The following GALNT18 variants were observed in gnomAD, a reference collection of about 807,000 sequenced individuals.
The protein encoded by GALNT18 is polypeptide N-acetylgalactosaminyltransferase 18.
A neutral mutation model predicts 69.5 loss-of-function variants in GALNT18; 44 were observed. That is an observed-to-expected ratio of 0.63 (90% CI 0.50 to 0.81). The LOEUF is 0.81. Among genes scored for constraint, GALNT18 ranks in the 40% least tolerant of loss-of-function variants. The probability of loss-of-function intolerance (pLI) is 0.00; values close to 1 mark genes in which losing one functional copy is unlikely to be tolerated. For missense variants in GALNT18, 715 were observed against 810.0 expected, an observed-to-expected ratio of 0.88 and a Z score of 1.42; for synonymous variants, 364 against 318.2, an observed-to-expected ratio of 1.14 and a Z score of -1.53.
Position 11,590,491 on chromosome 11 carries a change from G to A in GALNT18, c.235+30868C>T, listed in dbSNP as rs1270010172. ...ACTTTCCTTACTCTACCTATATTAG[G>A]CACCAACCAATCAGAAGGACACTGG... On this transcript the variant is annotated intron_variant, in intron 1 of 10. Transcript: ENST00000227756. This position sits in a 1 kb window ranked among gnomAD's most constrained non-coding sequence, Gnocchi z 4.4. 6.6e-6 allele frequency among the ~76,000 whole-genome samples: 1 copy of A among 152,102 alleles called. No individual in the cohort carries two copies. Among genetic ancestry groups the A allele is most frequent in the Non-Finnish European group, 1.5e-5 (1 of 68,028 alleles).
intron 9 of GALNT18, among the ~76,000 whole-genome samples, chr11:11,295,790 A>G (rs1590017728): frequency 6.6e-6 from 1 of 152,202 alleles, no homozygotes; most frequent in East Asian, 1.9e-4. Context: ...TTTTTCTATA[A>G]CAAAGGTGAA....
At chr11:11,532,675 G>A (rs932899320) in intron 1 of GALNT18, among the ~76,000 whole-genome samples, 6 of 152,234 alleles carry the variant, frequency 3.9e-5, no homozygotes, top group African/African-American at 1.4e-4. Flanking sequence ...TATGGCTGCA[G>A]TCCTGGAAAA....
In GALNT18 at chr11:11,432,847, AC is replaced by A. The variant is rs1855307036; in HGVS notation, c.429-61del. 1 of 1,551,576 alleles carries A rather than the reference AC, an allele frequency of 6.4e-7. No homozygotes were observed. Among genetic ancestry groups the A allele is most frequent in the African/African-American group, 1.4e-5 (1 of 73,612 alleles). On this transcript the variant is annotated intron_variant, in intron 2 of 10. Coordinates refer to ENST00000227756, the MANE Select transcript of GALNT18 (RefSeq NM_198516.3). This position sits in a 1 kb window ranked among gnomAD's most constrained non-coding sequence, Gnocchi z 5.8. ...TCAGCTGGAGTCATCTCAGGAGCTG[AC>A]CCAGCCCATGTCCTGGCTCCAGCTT...
chr11:11,306,109 G>A (rs1463305237), intron 9 of GALNT18, among the ~76,000 whole-genome samples: 1 of 152,190 alleles, frequency 6.6e-6, no homozygotes, highest in African/African-American at 2.4e-5. Flanking sequence ...GTCCTCCTGA[G>A]AAATGAGGAG....
At chr11:11,536,300 C>T (rs749258346) in intron 1 of GALNT18, among the ~76,000 whole-genome samples, 2 of 152,204 alleles carry the variant, frequency 1.3e-5, no homozygotes, top group Non-Finnish European at 2.9e-5. Context: ...CTGTATTTTA[C>T]AGAATAGGAC....
In GALNT18 at chr11:11,436,954, A is replaced by G. The variant is rs1369018393; in HGVS notation, c.429-4167T>C. Among the ~76,000 whole-genome samples, 1 of 152,144 alleles carries G rather than the reference A, an allele frequency of 6.6e-6. No homozygotes were observed. The highest frequency in any genetic ancestry group is 1.5e-5 in the Non-Finnish European group (1 of 68,024). ...CACTGACCCAGTGGCCTTTGCTCCC[A>G]AATCTGTACTGCTAAGATGCCCTCC... is the stretch of plus-strand genomic sequence containing the variant. On this transcript the variant is annotated intron_variant, in intron 2 of 10. Transcript: ENST00000227756. This position sits in a 1 kb window ranked among gnomAD's most constrained non-coding sequence, Gnocchi z 4.5.
At chr11:11,345,455 G>C (rs1012981745) in intron 6 of GALNT18, among the ~76,000 whole-genome samples, 1 of 152,170 alleles carries the variant, frequency 6.6e-6, no homozygotes, top group South Asian at 2.1e-4. Flanking sequence ...GGTAGACAAA[G>C]GATAAGAAAG....
intron 1 of GALNT18, among the ~76,000 whole-genome samples, chr11:11,570,890 C>A (rs908589892): frequency 6.6e-6 from 1 of 152,214 alleles, no homozygotes; most frequent in Admixed American, 6.5e-5. Context: ...ATTATCCCCA[C>A]ATCTTCCCTC....
chr11:11,472,244 C>A (rs1856289830), intron 1 of GALNT18, among the ~76,000 whole-genome samples: 1 of 152,194 alleles, frequency 6.6e-6, no homozygotes, highest in Non-Finnish European at 1.5e-5. Flanking sequence ...ATTTGCAGGG[C>A]CTGGTGCCAA....
intron 1 of GALNT18, among the ~76,000 whole-genome samples, chr11:11,549,505 C>G (rs1419952722): frequency 6.6e-6 from 1 of 152,192 alleles, no homozygotes; most frequent in Non-Finnish European, 1.5e-5. Context: ...TTCTTCCATC[C>G]AAATGGAATA....
chr11:11,303,270 G>A (rs1590022652), intron 9 of GALNT18, among the ~76,000 whole-genome samples: 1 of 152,238 alleles, frequency 6.6e-6, no homozygotes, highest in African/African-American at 2.4e-5. Context: ...GGGCTAATTT[G>A]GAGATATATT....
rs1858834539 is a variant in GALNT18 at position 11,573,261 on chromosome 11, T to C, written c.235+48098A>G. ...GAGATTCCCTACACACAGCTTTCAA[T>C]ACTGAAGATGGAGCTCTCTGTCCCC... is the stretch of plus-strand genomic sequence containing the variant. On this transcript the variant is annotated intron_variant, in intron 1 of 10. Coordinates refer to ENST00000227756, the MANE Select transcript of GALNT18 (RefSeq NM_198516.3). The surrounding 1 kb of genome is among the most constrained non-coding windows in gnomAD (Gnocchi z 4.6). Among the ~76,000 whole-genome samples the C allele has an allele frequency of 6.6e-6, 1 of 152,164 alleles. No individual in the cohort carries two copies. The highest frequency in any genetic ancestry group is 2.1e-4 in the South Asian group (1 of 4,820).
In GALNT18 at chr11:11,378,943, C is replaced by T. The variant is rs559063258; in HGVS notation, c.779+138G>A. 51 of 833,728 alleles carry T rather than the reference C, an allele frequency of 6.1e-5. 2 individuals carry two copies. The South Asian group carries it at 9.4e-4, about 15-fold the overall frequency. The allele number at this position is 833,728 out of a possible 1,614,324, so 51.6% of individuals were successfully genotyped here. On this transcript the variant is annotated intron_variant, in intron 4 of 10. Coordinates refer to ENST00000227756, the MANE Select transcript of GALNT18 (RefSeq NM_198516.3). The stretch of plus-strand genomic sequence containing the variant: ...CCAGCCTTGTTGCCTGGCTCACTCA[C>T]ACACCTACATCTCACCTATTCCCAG...
chr11:11,611,891 G>A (rs1252519550), intron 1 of GALNT18, among the ~76,000 whole-genome samples: 2 of 152,174 alleles, frequency 1.3e-5, no homozygotes, highest in Admixed American at 6.5e-5. Flanking sequence ...CCAGACCAGG[G>A]CCTTCTACTG....
intron 2 of GALNT18, among the ~76,000 whole-genome samples, chr11:11,447,120 G>A (rs764898831): frequency 6.6e-6 from 1 of 152,098 alleles, no homozygotes; most frequent in African/African-American, 2.4e-5. Flanking sequence ...CCAGCCACAG[G>A]GGCCTCCTTC....
intron 1 of GALNT18, among the ~76,000 whole-genome samples, chr11:11,594,936 T>TAA (rs1565032846): frequency 2.0e-5 from 3 of 147,984 alleles, no homozygotes; most frequent in African/African-American, 7.4e-5. Flanking sequence ...TATATATATA[T>TAA]AATCTCCAAG....
intron 9 of GALNT18, among the ~76,000 whole-genome samples, chr11:11,297,447 T>G (rs1849421195): frequency 6.6e-6 from 1 of 152,114 alleles, no homozygotes; most frequent in Non-Finnish European, 1.5e-5. Flanking sequence ...TAGCTGAGAT[T>G]TACAGCGAGG....
chr11:11,611,101 A>G (rs1361724563), intron 1 of GALNT18, among the ~76,000 whole-genome samples: 1 of 152,224 alleles, frequency 6.6e-6, no homozygotes, highest in African/African-American at 2.4e-5. Flanking sequence ...AGAAAGAGAG[A>G]TTAGTTCAAT....
chr11:11,422,768 G>A lies in GALNT18; in HGVS notation c.595+9853C>T, dbSNP rs78975638. 8.0e-4 allele frequency among the ~76,000 whole-genome samples: 122 copies of A among 152,164 alleles called. 1 individual carries two copies. Among genetic ancestry groups the A allele is most frequent in the African/African-American group, 2.7e-3 (112 of 41,498 alleles). On this transcript the variant is annotated intron_variant, in intron 3 of 10. Coordinates refer to ENST00000227756, the MANE Select transcript of GALNT18 (RefSeq NM_198516.3). ...GCAGACTCTGGGCCAAGGGATAATG[G>A]GGGTTCTGCAGGGGGTGGGGAAGGA...
Sources: allele counts gnomAD v4.1 joint callset (sites outside exome capture counted in the v4.1 genomes callset), GRCh38; gene constraint gnomAD v4.1.1; non-coding constraint Gnocchi (gnomAD v3.1); transcripts MANE v1.5; gene names NCBI Gene and HGNC (gene_info 2026-07-23, HGNC 2026-07-21).